CAPN13: variants seen among roughly 807,000 people sequenced by gnomAD.
CAPN13 encodes calpain-13.
A neutral mutation model predicts 98.4 loss-of-function variants in CAPN13; 90 were observed. The observed-to-expected ratio is 0.92, with a 90% confidence interval of 0.77 to 1.09. CAPN13 has a LOEUF of 1.09. Ranked by LOEUF, CAPN13 falls within the 50% of genes least tolerant of loss-of-function variation. The probability of loss-of-function intolerance (pLI) is 0.00; values close to 1 mark genes in which losing one functional copy is unlikely to be tolerated. For synonymous variants in CAPN13, 330 were observed against 305.5 expected (o/e 1.08, Z -0.84); for missense variants, 887 against 841.3 (o/e 1.05, Z -0.67).
chr2:30,744,412 C>T (rs906911655), intron 12 of CAPN13, among the ~76,000 whole-genome samples: 8 of 152,184 alleles, frequency 5.3e-5, no homozygotes, highest in African/African-American at 1.9e-4. Flanking sequence ...ACAATAGCCT[C>T]AGCAGGTTTG....
intron 7 of CAPN13, among the ~76,000 whole-genome samples, chr2:30,762,375 C>T (rs1672892511): frequency 6.6e-6 from 1 of 152,224 alleles, no homozygotes; most frequent in Non-Finnish European, 1.5e-5. Flanking sequence ...AAAGTTTTAT[C>T]TGGGCATATG....
At chr2:30,774,529 A>G (rs1673587237) in intron 4 of CAPN13, among the ~76,000 whole-genome samples, 1 of 152,204 alleles carries the variant, frequency 6.6e-6, no homozygotes, top group Non-Finnish European at 1.5e-5. Context: ...GATTCATATA[A>G]GCAACTCAGT....
rs1241472701 is a variant in CAPN13, at chr2:30,764,129, T to A, written c.699+3A>T. ...GGTGCAAAAGGGCTCCCCAGTGACT[T>A]ACCCCACTTGGAGTGGCACAGGTTA... On this transcript the variant is annotated splice_donor_region_variant and intron_variant, in intron 6 of 22. Coordinates refer to ENST00000295055, the MANE Select transcript of CAPN13 (RefSeq NM_144575.3). 7 of 1,561,840 alleles carry A rather than the reference T, an allele frequency of 4.5e-6. No homozygotes were observed. The African/African-American group carries it at 9.5e-5, about 21-fold the overall frequency.
Position 30,794,320 on chromosome 2 carries a change from G to A in CAPN13, c.-32-6963C>T, listed in dbSNP as rs137958431. Among the ~76,000 whole-genome samples, 1,107 of 151,978 alleles carry A rather than the reference G, an allele frequency of 7.3e-3. 7 individuals carry two copies. Among genetic ancestry groups the A allele is most frequent in the Non-Finnish European group, 0.011 (774 of 67,798 alleles). ...AGATGTTCCACATCATAAGTTATCA[G>A]TGAAATGCAAATTCATACCATGGTG... On this transcript the variant is annotated intron_variant, in intron 1 of 22. Transcript: ENST00000295055.
chr2:30,757,805 C>T (rs1306143755), intron 8 of CAPN13, among the ~76,000 whole-genome samples: 2 of 152,204 alleles, frequency 1.3e-5, no homozygotes, highest in Admixed American at 6.5e-5. Flanking sequence ...CCATATATAC[C>T]TCACAACACC....
chr2:30,788,086 G>T (rs189245307), intron 1 of CAPN13, among the ~76,000 whole-genome samples: 1 of 151,806 alleles, frequency 6.6e-6, no homozygotes, highest in East Asian at 1.9e-4. Flanking sequence ...GAATATGGGG[G>T]ATAGGGAGGA....
At chr2:30,765,437 A>G (rs1673063704) in intron 5 of CAPN13, among the ~76,000 whole-genome samples, 1 of 152,214 alleles carries the variant, frequency 6.6e-6, no homozygotes, top group Non-Finnish European at 1.5e-5. Flanking sequence ...AGCCCTTCAC[A>G]GGGTAGAAGG....
intron 1 of CAPN13, among the ~76,000 whole-genome samples, chr2:30,800,813 G>T (rs569425804): frequency 1.3e-5 from 2 of 152,238 alleles, no homozygotes; most frequent in East Asian, 3.9e-4. Context: ...GCATTTGATA[G>T]GTGTCATTCA....
At chr2:30,752,769 A>G (rs1672240572) in intron 10 of CAPN13, among the ~76,000 whole-genome samples, 1 of 152,202 alleles carries the variant, frequency 6.6e-6, no homozygotes, top group South Asian at 2.1e-4. Context: ...GAGGGTGGTG[A>G]GCCCACTCTC....
At position 30,751,198 on chromosome 2, in the gene CAPN13, C is replaced by T; in HGVS notation, c.1141G>A (p.Gly381Ser). Residue 381 changes from glycine to serine, a missense_variant, in exon 11 of 23, where the codon GGC (glycine) becomes AGC (serine). By Grantham distance (56) the Gly-to-Ser change is moderately conservative (BLOSUM62 0). Transcript: ENST00000295055. ...FNFSVQEPME[G>S]TNVVVCVTVA... ...GTGACGCACACGACAACATTGGTGC[C>T]TTCCATTGGCTCTTGCACAGAGAAG... The T allele has an allele frequency of 6.2e-7, 1 of 1,614,010 alleles. No individual in the cohort carries two copies. Among genetic ancestry groups the T allele is most frequent in the Non-Finnish European group, 8.5e-7 (1 of 1,179,890 alleles).
At chr2:30,800,103 AAAGAAAAGAAAGAAAAGAAAGAAAGAAAG>A (rs1558351205) in intron 1 of CAPN13, among the ~76,000 whole-genome samples, 17 of 142,038 alleles carry the variant, frequency 1.2e-4, no homozygotes, top group Admixed American at 1.1e-3. Context: ...GAAAAGAAAG[AAAGAAAAGAAAGAAAAGAAAGAAAGAAAG>A]AAAGAAAGAA....
chr2:30,789,810 C>T (rs1674511400), intron 1 of CAPN13, among the ~76,000 whole-genome samples: 1 of 152,216 alleles, frequency 6.6e-6, no homozygotes, highest in African/African-American at 2.4e-5. Flanking sequence ...TGTGCAGAGG[C>T]CCAACACTGT....
At chr2:30,761,277 C>T (rs1672836304) in intron 7 of CAPN13, among the ~76,000 whole-genome samples, 1 of 152,168 alleles carries the variant, frequency 6.6e-6, no homozygotes, top group Admixed American at 6.5e-5. Flanking sequence ...CACCTGTCTT[C>T]CCAGGGGAGG....
In CAPN13 at chr2:30,774,303, G is replaced by C. The variant is rs538122811; in HGVS notation, c.387+1627C>G. On this transcript the variant is annotated intron_variant, in intron 4 of 22. Transcript: ENST00000295055. ...AATAAAGATAGGATTGAAATAATTA[G>C]TTATATAGTAAACAAAACCTCAAAA... 3.9e-5 allele frequency among the ~76,000 whole-genome samples: 6 copies of C among 151,966 alleles called. No individual in the cohort carries two copies. The East Asian group carries it at 1.2e-3, about 29-fold the overall frequency.
intron 1 of CAPN13, among the ~76,000 whole-genome samples, chr2:30,789,975 G>A (rs961484846): frequency 6.6e-6 from 1 of 152,086 alleles, no homozygotes; most frequent in African/African-American, 2.4e-5. Context: ...GGGAAGGCTT[G>A]GGGACAGGCA....
intron 8 of CAPN13, among the ~76,000 whole-genome samples, chr2:30,757,211 G>A (rs1218517760): frequency 2.0e-5 from 3 of 152,236 alleles, no homozygotes; most frequent in African/African-American, 7.2e-5. Flanking sequence ...GGAGGAATGC[G>A]ACCAGGCTGA....
intron 12 of CAPN13, 114 bp downstream of exon 12, chr2:30,745,609 G>A (rs1387453009): frequency 2.2e-5 from 23 of 1,026,416 alleles, no homozygotes; most frequent in South Asian, 1.5e-4. Context: ...AAGACTTAGC[G>A]AGACTGAATT....
intron 1 of CAPN13, among the ~76,000 whole-genome samples, chr2:30,796,627 C>A (rs1674897833): frequency 6.6e-6 from 1 of 152,098 alleles, no homozygotes; most frequent in Non-Finnish European, 1.5e-5. Flanking sequence ...AATCAAAATT[C>A]TAAATGACTT....
At chr2:30,798,471 C>A (rs1675005131) in intron 1 of CAPN13, among the ~76,000 whole-genome samples, 1 of 152,184 alleles carries the variant, frequency 6.6e-6, no homozygotes, top group South Asian at 2.1e-4. Context: ...GACTTTCTGC[C>A]AGTGATGAAA....
Sources: allele counts gnomAD v4.1 joint callset (sites outside exome capture counted in the v4.1 genomes callset), GRCh38; gene constraint gnomAD v4.1.1; transcripts MANE v1.5; gene names NCBI Gene and HGNC (gene_info 2026-07-23, HGNC 2026-07-21).